GLRA3: variants seen among roughly 807,000 people sequenced by gnomAD.
GLRA3 encodes the protein glycine receptor subunit alpha-3.
GLRA3 carries 44 observed loss-of-function variants against 60.4 expected under a neutral mutation model. The ratio of observed to expected loss-of-function variants is 0.73; its 90% CI spans 0.57 to 0.94. The LOEUF (loss-of-function observed/expected upper bound fraction) is 0.94. Among genes scored for constraint, GLRA3 ranks in the 40% least tolerant of loss-of-function variants. The probability of loss-of-function intolerance (pLI) is 0.00; values close to 1 mark genes in which losing one functional copy is unlikely to be tolerated. For synonymous variants in GLRA3, 223 were observed against 192.9 expected (o/e 1.16, Z -1.29); for missense variants, 508 against 564.6 (o/e 0.90, Z 1.02).
chr4:174,747,365 C>A (rs558191171), intron 3 of GLRA3, among the ~76,000 whole-genome samples: 1 of 151,884 alleles, frequency 6.6e-6, no homozygotes, highest in East Asian at 1.9e-4. Context: ...TGGGGTGGGG[C>A]GAGAATTCAG....
Position 174,725,072 on chromosome 4 carries a change from A to C in GLRA3, c.491+3403T>G, listed in dbSNP as rs188671213. Among the ~76,000 whole-genome samples the C allele has an allele frequency of 1.0e-3, 157 of 152,314 alleles. 1 individual carries two copies. The highest frequency in any genetic ancestry group is 1.9e-3 in the South Asian group (9 of 4,830). On this transcript the variant is annotated intron_variant, in intron 4 of 9. Transcript: ENST00000274093. Reference sequence around the variant, plus strand: ...TGCAAAATGTATTAACATTTCAGCCATTGTTTTCTCTAGTTTTTTTTAGCT... The same window carrying C: ...TGCAAAATGTATTAACATTTCAGCCCTTGTTTTCTCTAGTTTTTTTTAGCT...
intron 1 of GLRA3, among the ~76,000 whole-genome samples, chr4:174,818,032 C>A (rs1740580354): frequency 1.3e-5 from 2 of 150,046 alleles, no homozygotes; most frequent in African/African-American, 2.5e-5. Context: ...GCTAGAACAG[C>A]TCTACACTTT....
At chr4:174,646,381 C>T (rs1293720245) in intron 9 of GLRA3, among the ~76,000 whole-genome samples, 1 of 152,166 alleles carries the variant, frequency 6.6e-6, no homozygotes, top group Admixed American at 6.5e-5. Context: ...AGAGTTAATA[C>T]CCAGCCTGGG....
chr4:174,732,312 G>C (rs1233147082), intron 3 of GLRA3, among the ~76,000 whole-genome samples: 1 of 149,952 alleles, frequency 6.7e-6, no homozygotes, highest in East Asian at 2.0e-4. Flanking sequence ...CCGAGATCAC[G>C]CCTCTGCACT....
chr4:174,729,708 A>G (rs1222991419), intron 3 of GLRA3, among the ~76,000 whole-genome samples: 1 of 152,244 alleles, frequency 6.6e-6, no homozygotes, highest in African/African-American at 2.4e-5. Flanking sequence ...GAAATGAGCC[A>G]ATAAATTAAA....
Position 174,685,801 on chromosome 4 carries a change from A to G in GLRA3, c.575-2862T>C, listed in dbSNP as rs200824165. ...AGGCACCAATTCTACCTTCTGCCAG[A>G]TAAGACATGTTTCTCATTCTTCCAC... On this transcript the variant is annotated intron_variant, in intron 5 of 9. Transcript: ENST00000274093. Among the ~76,000 whole-genome samples the G allele has an allele frequency of 3.2e-4, 49 of 152,280 alleles. No individual in the cohort carries two copies. In the East Asian group the frequency reaches 5.0e-3, roughly 16 times the overall value.
intron 3 of GLRA3, among the ~76,000 whole-genome samples, chr4:174,732,798 T>C (rs1736606329): frequency 6.6e-6 from 1 of 152,070 alleles, no homozygotes; most frequent in Admixed American, 6.6e-5. Context: ...TATATTTATG[T>C]GTATGTATGT....
At chr4:174,695,154 A>T (rs1280029416) in intron 5 of GLRA3, among the ~76,000 whole-genome samples, 3 of 152,028 alleles carry the variant, frequency 2.0e-5, no homozygotes, top group Non-Finnish European at 4.4e-5. Flanking sequence ...ATTTTACCAG[A>T]TTTGTACAAA....
At chr4:174,674,733 C>T (rs1480602803) in intron 7 of GLRA3, among the ~76,000 whole-genome samples, 3 of 152,082 alleles carry the variant, frequency 2.0e-5, no homozygotes, top group African/African-American at 7.2e-5. Context: ...TTCCTACTTC[C>T]TAGAAATTGT....
intron 1 of GLRA3, among the ~76,000 whole-genome samples, chr4:174,821,308 CAG>C (rs943370407): frequency 2.6e-5 from 4 of 152,078 alleles, no homozygotes; most frequent in African/African-American, 9.7e-5. Context: ...ACTTATTTTA[CAG>C]AGTGTTTTAA....
intron 2 of GLRA3, among the ~76,000 whole-genome samples, chr4:174,776,476 C>G (rs961738229): frequency 6.0e-5 from 9 of 151,072 alleles, no homozygotes; most frequent in African/African-American, 1.9e-4. Context: ...GAAGAAGCAA[C>G]AAATCATTGG....
At chr4:174,784,815 A>G (rs1375728510) in intron 2 of GLRA3, among the ~76,000 whole-genome samples, 2 of 152,168 alleles carry the variant, frequency 1.3e-5, no homozygotes, top group Non-Finnish European at 1.5e-5. Flanking sequence ...AAGATATAAT[A>G]GAAATTTGAA....
chr4:174,689,883 A>C (rs1394472938), intron 5 of GLRA3, among the ~76,000 whole-genome samples: 1 of 151,964 alleles, frequency 6.6e-6, no homozygotes, highest in Non-Finnish European at 1.5e-5. Flanking sequence ...TTGCCAAGCA[A>C]ATGAAAAACA....
chr4:174,797,777 C>T (rs577179354), intron 1 of GLRA3, among the ~76,000 whole-genome samples: 1 of 151,234 alleles, frequency 6.6e-6, no homozygotes. Flanking sequence ...ACAAAAAAAT[C>T]AAAAATTAGC....
At chr4:174,693,559 A>G (rs1230096460) in intron 5 of GLRA3, among the ~76,000 whole-genome samples, 1 of 152,082 alleles carries the variant, frequency 6.6e-6, no homozygotes, top group Non-Finnish European at 1.5e-5. Context: ...TGGTTACTCT[A>G]GCCTTGTAGT....
rs536794989 is a variant in GLRA3, at chr4:174,696,339, T to C, written c.575-13400A>G. 2.1e-4 allele frequency among the ~76,000 whole-genome samples: 32 copies of C among 151,666 alleles called. No homozygotes were observed. The Middle Eastern group carries it at 0.017, about 83-fold the overall frequency. ...TAATATTTTGTAATATTGGCATGTA[T>C]AAAGCATAATTTTTAAAGAAAAACA... On this transcript the variant is annotated intron_variant, in intron 5 of 9. Transcript: ENST00000274093.
intron 3 of GLRA3, among the ~76,000 whole-genome samples, chr4:174,751,306 T>A (rs1034167987): frequency 2.0e-5 from 3 of 152,048 alleles, no homozygotes; most frequent in Non-Finnish European, 2.9e-5. Flanking sequence ...GAGAACAATT[T>A]TATCAAATAA....
chr4:174,790,564 A>C (rs2111308689), intron 1 of GLRA3, among the ~76,000 whole-genome samples: 1 of 151,852 alleles, frequency 6.6e-6, no homozygotes, highest in African/African-American at 2.4e-5. Context: ...CATTCTCTTT[A>C]TTTCCCTTGC....
At chr4:174,773,766 T>C (rs1738486095) in intron 2 of GLRA3, among the ~76,000 whole-genome samples, 1 of 152,180 alleles carries the variant, frequency 6.6e-6, no homozygotes, top group African/African-American at 2.4e-5. Context: ...ATCCTGTTTG[T>C]TCTTCCCCTT....
Sources: gnomAD v4.1 joint callset for allele counts (sites outside exome capture counted in the v4.1 genomes callset) on GRCh38, gnomAD v4.1.1 for gene constraint, MANE v1.5 for transcripts, NCBI Gene and HGNC (gene_info 2026-07-23, HGNC 2026-07-21) for gene names.